The following PDE4D variants were observed in gnomAD, a reference collection of about 807,000 sequenced individuals.
PDE4D encodes the protein phosphodiesterase 4D.
A neutral mutation model predicts 87.4 loss-of-function variants in PDE4D; 24 were observed. That is an observed-to-expected ratio of 0.27 (90% CI 0.20 to 0.39). The LOEUF (loss-of-function observed/expected upper bound fraction) is 0.39. PDE4D is among the 10% of genes least tolerant of loss of function. The pLI, the probability that PDE4D is intolerant of heterozygous loss-of-function variation, is 1.00. For synonymous variants in PDE4D, 384 were observed against 383.2 expected, an observed-to-expected ratio of 1.00 and a Z score of -0.02; for missense variants, 714 against 1,041.0, an observed-to-expected ratio of 0.69 and a Z score of 4.32.
At chr5:60,256,667 C>G (rs1448158640) in intron 1 of PDE4D, among the ~76,000 whole-genome samples, 4 of 151,844 alleles carry the variant, frequency 2.6e-5, no homozygotes, top group African/African-American at 9.6e-5. Flanking sequence ...TAGACATACC[C>G]AAGAGGATTT....
chr5:59,251,114 G>A (rs35307), intron 1 of PDE4D, among the ~76,000 whole-genome samples: 109,810 of 151,980 alleles, frequency 0.72, 40,418 homozygotes, highest in Admixed American at 0.77. Flanking sequence ...GAACATAGCA[G>A]CAGGCAAAGA....
chr5:59,917,731 T>C (rs1754220418), intron 3 of PDE4D, among the ~76,000 whole-genome samples: 1 of 152,204 alleles, frequency 6.6e-6, no homozygotes, highest in Non-Finnish European at 1.5e-5. Context: ...GCTGAACAAA[T>C]TGTTAAAATG....
At chr5:60,274,527 A>G (rs1196770345) in intron 1 of PDE4D, among the ~76,000 whole-genome samples, 1 of 151,970 alleles carries the variant, frequency 6.6e-6, no homozygotes, top group Non-Finnish European at 1.5e-5. Context: ...CGCCCAGCTA[A>G]TTTTTGTATT....
chr5:59,663,521 T>C (rs58287048), intron 1 of PDE4D, among the ~76,000 whole-genome samples: 1,635 of 152,322 alleles, frequency 0.011, 24 homozygotes, highest in African/African-American at 0.038. Flanking sequence ...TTCTTTATCA[T>C]ATGAAGCAAA....
At chr5:60,456,244 C>G (rs1473042400) in intron 1 of PDE4D, among the ~76,000 whole-genome samples, 1 of 152,134 alleles carries the variant, frequency 6.6e-6, no homozygotes, top group Non-Finnish European at 1.5e-5. Context: ...TTTGGATTGA[C>G]AATATCCACA....
At chr5:59,729,595 T>C (rs1757087287) in intron 1 of PDE4D, among the ~76,000 whole-genome samples, 1 of 152,022 alleles carries the variant, frequency 6.6e-6, no homozygotes, top group Non-Finnish European at 1.5e-5. Flanking sequence ...GTAGTTTTAC[T>C]AGTGGAACCA....
At chr5:59,871,901 G>A (rs1032335535) in intron 1 of PDE4D, among the ~76,000 whole-genome samples, 3 of 152,010 alleles carry the variant, frequency 2.0e-5, no homozygotes, top group Admixed American at 6.6e-5. Flanking sequence ...TCACCAAATC[G>A]TACTACTTCC....
chr5:59,532,992 T>C (rs528169502), intron 1 of PDE4D, among the ~76,000 whole-genome samples: 2 of 152,348 alleles, frequency 1.3e-5, no homozygotes, highest in South Asian at 2.1e-4. Context: ...CTCAGCTACA[T>C]GTTATTAAAA....
chr5:59,481,726 CA>C lies in PDE4D; in HGVS notation c.456-265759del, dbSNP rs1328157887. Among the ~76,000 whole-genome samples, 6 of 152,114 alleles carry C rather than the reference CA, an allele frequency of 3.9e-5. No individual in the cohort carries two copies. The East Asian group carries it at 1.2e-3, about 29-fold the overall frequency. On this transcript the variant is annotated intron_variant, in intron 1 of 14. Coordinates refer to ENST00000340635, the MANE Select transcript of PDE4D (RefSeq NM_001104631.2). ...CCTTTGGTCATTTCGTTGTTCCCAT[CA>C]CTGTCATTATTGACCACAGTCCCTT... is the stretch of plus-strand genomic sequence containing the variant.
intron 2 of PDE4D, among the ~76,000 whole-genome samples, chr5:60,008,048 C>T (rs957174307): frequency 6.7e-6 from 1 of 150,222 alleles, no homozygotes; most frequent in African/African-American, 2.5e-5. Flanking sequence ...AGTCTCAAGT[C>T]ACTATAAGAT....
chr5:59,221,161 C>T (rs1447739604), intron 1 of PDE4D, among the ~76,000 whole-genome samples: 2 of 152,110 alleles, frequency 1.3e-5, no homozygotes, highest in African/African-American at 2.4e-5. Flanking sequence ...GGGTTTTAAA[C>T]TCAAGCTGTC....
chr5:59,270,752 C>T (rs555112669), intron 1 of PDE4D, among the ~76,000 whole-genome samples: 2 of 152,244 alleles, frequency 1.3e-5, no homozygotes, highest in South Asian at 2.1e-4. Context: ...AACATGAACA[C>T]TTTTATGGCC....
intron 5 of PDE4D, among the ~76,000 whole-genome samples, chr5:59,169,465 C>T (rs1279468957): frequency 2.0e-5 from 3 of 152,120 alleles, no homozygotes; most frequent in African/African-American, 4.8e-5. Context: ...TTCTCAGAGA[C>T]GAGCAAGCTG....
intron 1 of PDE4D, among the ~76,000 whole-genome samples, chr5:60,517,149 C>T (rs775127773): frequency 5.1e-4 from 77 of 152,324 alleles, no homozygotes; most frequent in Non-Finnish European, 9.7e-4. Context: ...TGTGTATGCC[C>T]GTGCTCAGAG....
chr5:59,236,522 T>C (rs1452384142), intron 1 of PDE4D, among the ~76,000 whole-genome samples: 1 of 152,182 alleles, frequency 6.6e-6, no homozygotes, highest in Non-Finnish European at 1.5e-5. Context: ...TGATGTGTTG[T>C]CAGGTTGAGA....
intron 2 of PDE4D, among the ~76,000 whole-genome samples, chr5:60,079,370 T>C (rs554969360): frequency 4.6e-5 from 7 of 152,346 alleles, no homozygotes; most frequent in African/African-American, 1.7e-4. Context: ...GCAGAAGCTC[T>C]TTAGTTTAAT....
chr5:59,144,769 T>C (rs1367777027), intron 5 of PDE4D, among the ~76,000 whole-genome samples: 1 of 150,704 alleles, frequency 6.6e-6, no homozygotes, highest in East Asian at 2.0e-4. Context: ...AAAGGTTACA[T>C]ATAAATCACA....
At chr5:60,056,496 A>G (rs974343061) in intron 2 of PDE4D, among the ~76,000 whole-genome samples, 1 of 152,128 alleles carries the variant, frequency 6.6e-6, no homozygotes, top group Admixed American at 6.6e-5. Context: ...AGTGGAAGAG[A>G]GACAGCAGAG....
chr5:59,268,279 TGCTAAAA>T (rs1205395323), intron 1 of PDE4D, among the ~76,000 whole-genome samples: 1 of 152,104 alleles, frequency 6.6e-6, no homozygotes, highest in East Asian at 1.9e-4. Context: ...GCCCCTGTCA[TGCTAAAA>T]AACTGCATCC....
Sources: allele counts gnomAD v4.1 joint callset (sites outside exome capture counted in the v4.1 genomes callset), GRCh38; gene constraint gnomAD v4.1.1; transcripts MANE v1.5; gene names NCBI Gene and HGNC (gene_info 2026-07-23, HGNC 2026-07-21).